Variants in ZNF608 observed in about 807,000 individuals in gnomAD.
ZNF608 encodes the protein zinc finger protein 608, also known as renal carcinoma antigen NY-REN-36.
ZNF608 carries 12 observed loss-of-function variants against 109.0 expected under a neutral mutation model. That is an observed-to-expected ratio of 0.11 (90% CI 0.07 to 0.18). The LOEUF is 0.18. Ranked by LOEUF, ZNF608 falls within the 10% of genes least tolerant of loss-of-function variation. The pLI is 1.00. For missense variants in ZNF608, 1,707 were observed against 1,879.3 expected (o/e 0.91, Z 1.70); for synonymous variants, 732 against 717.4 (o/e 1.02, Z -0.33).
chr5:124,643,031 G>T (rs1242185998), intron 7 of ZNF608, among the ~76,000 whole-genome samples: 6 of 152,106 alleles, frequency 3.9e-5, no homozygotes, highest in African/African-American at 1.4e-4. Context: ...GAGGTGATCT[G>T]AACTTGCATG....
intron 2 of ZNF608, among the ~76,000 whole-genome samples, chr5:124,740,183 C>T (rs536913855): frequency 8.5e-5 from 13 of 152,226 alleles, no homozygotes; most frequent in African/African-American, 2.9e-4. Flanking sequence ...TTTCACACAC[C>T]AAAGTCAGAA....
At chr5:124,746,809 A>G (rs1749656288), upstream of ZNF608, 2 of 971,172 alleles carry the variant, frequency 2.1e-6, no homozygotes, top group South Asian at 4.8e-5. Flanking sequence ...GGAGGGGGGG[A>G]GTAGAGGGAG....
At chr5:124,705,599 A>G (rs1364229188) in intron 2 of ZNF608, among the ~76,000 whole-genome samples, 1 of 152,206 alleles carries the variant, frequency 6.6e-6, no homozygotes, top group Non-Finnish European at 1.5e-5. Flanking sequence ...TATATTTAAC[A>G]TAAATCTATA....
At position 124,648,246 on chromosome 5, in the gene ZNF608, T is replaced by C; in HGVS notation, c.2138A>G (p.Asp713Gly). ...GGTAGCTTTTTTGCCCTTTTCTTTA[T>C]CTCCTAAATTTTTCTTGTCAATTAA... ...EGLIDKKNLG[D>G]KEKGKKATNC... The change falls in exon 5 of 10, where the codon GAT becomes GGT. Residue 713 changes from aspartate to glycine, a missense_variant. By Grantham distance (94) the Asp-to-Gly change is moderately conservative (BLOSUM62 -1). Around this residue, in one of 7 missense-constraint regions of ZNF608, gnomAD observed 1,073 missense variants for 1,133.5 expected, o/e 0.95. Transcript: ENST00000513986. 1 of 1,614,210 alleles carries C rather than the reference T, an allele frequency of 6.2e-7. No individual in the cohort carries two copies. The highest frequency in any genetic ancestry group is 8.5e-7 in the Non-Finnish European group (1 of 1,180,052).
At chr5:124,709,856 T>C (rs1753419448) in intron 2 of ZNF608, among the ~76,000 whole-genome samples, 1 of 152,196 alleles carries the variant, frequency 6.6e-6, no homozygotes, top group Non-Finnish European at 1.5e-5. Context: ...AAAGCCTGTG[T>C]TCTTGGATTA....
At chr5:124,655,115 C>G (rs932672024) in intron 3 of ZNF608, among the ~76,000 whole-genome samples, 28 of 152,226 alleles carry the variant, frequency 1.8e-4, no homozygotes, top group Admixed American at 1.8e-3. Context: ...GAATCCTACT[C>G]AGTGACTTCC....
At chr5:124,652,467 T>C (rs1750831478) in intron 3 of ZNF608, among the ~76,000 whole-genome samples, 1 of 152,204 alleles carries the variant, frequency 6.6e-6, no homozygotes, top group East Asian at 1.9e-4. Flanking sequence ...TGTGTCTATC[T>C]TTCTTTATAT....
chr5:124,672,118 C>T (rs1377990835), intron 3 of ZNF608, among the ~76,000 whole-genome samples: 1 of 152,202 alleles, frequency 6.6e-6, no homozygotes, highest in East Asian at 1.9e-4. Flanking sequence ...TATTAATAGG[C>T]ACCTAGTTAA....
chr5:124,719,892 T>C (rs1753839322), intron 2 of ZNF608, among the ~76,000 whole-genome samples: 1 of 152,200 alleles, frequency 6.6e-6, no homozygotes, highest in African/African-American at 2.4e-5. Flanking sequence ...TTACAATGCA[T>C]ACTCAATAAA....
At chr5:124,747,931 C>A (rs1443504743), upstream of ZNF608, among the ~76,000 whole-genome samples, 1 of 152,142 alleles carries the variant, frequency 6.6e-6, no homozygotes, top group East Asian at 1.9e-4. Flanking sequence ...TGCTCCCCAG[C>A]CTGGTCCTGT....
At chr5:124,641,799 G>T (rs1164534109) in intron 7 of ZNF608, among the ~76,000 whole-genome samples, 1 of 152,214 alleles carries the variant, frequency 6.6e-6, no homozygotes, top group East Asian at 1.9e-4. Flanking sequence ...ATTTTGTGGA[G>T]AGAACATATC....
At chr5:124,725,064 A>C (rs76347181) in intron 2 of ZNF608, among the ~76,000 whole-genome samples, 4,927 of 151,976 alleles carry the variant, frequency 0.032, 208 homozygotes, top group African/African-American at 0.1. Flanking sequence ...GTGTCTCCTC[A>C]AACACACCAA....
At chr5:124,716,157 A>AG (rs1561579964) in intron 2 of ZNF608, among the ~76,000 whole-genome samples, 1 of 151,086 alleles carries the variant, frequency 6.6e-6, no homozygotes, top group African/African-American at 2.4e-5. Context: ...AAAAAAAAAA[A>AG]AAAAAAGAAA....
At chr5:124,643,325 C>G (rs895793108) in intron 7 of ZNF608, among the ~76,000 whole-genome samples, 186 bp downstream of exon 7, 5 of 152,124 alleles carry the variant, frequency 3.3e-5, no homozygotes, top group African/African-American at 1.2e-4. Context: ...CGTGCTTTAA[C>G]AATTTTCTCT....
intron 3 of ZNF608, among the ~76,000 whole-genome samples, chr5:124,672,701 C>T (rs1751778698): frequency 6.6e-6 from 1 of 152,168 alleles, no homozygotes; most frequent in African/African-American, 2.4e-5. Flanking sequence ...ATTAAATTTA[C>T]CAAGCCCAGA....
At chr5:124,696,210 A>G (rs1752844630) in intron 3 of ZNF608, among the ~76,000 whole-genome samples, 1 of 151,994 alleles carries the variant, frequency 6.6e-6, no homozygotes, top group Non-Finnish European at 1.5e-5. Flanking sequence ...GGAAAAAAAG[A>G]GAGAGAGAGA....
chr5:124,646,249 T>G (rs956256430), intron 5 of ZNF608, among the ~76,000 whole-genome samples: 1 of 152,078 alleles, frequency 6.6e-6, no homozygotes, highest in Admixed American at 6.5e-5. Flanking sequence ...TAGTCCCAGC[T>G]ACTCAGGAGG....
chr5:124,647,482 T>C lies in ZNF608; in HGVS notation c.2902A>G (p.Ile968Val), dbSNP rs775149146. ...MRSKASSPSD[I>V]ISSKDSVVKG... Reference sequence around the variant, plus strand: ...ACAACACTGTCCTTACTAGAAATAATATCTGATGGGGAACTGGCCTTTGAT... The same window carrying C: ...ACAACACTGTCCTTACTAGAAATAACATCTGATGGGGAACTGGCCTTTGAT... Residue 968 changes from isoleucine to valine, a missense_variant, in exon 5 of 10, where the codon ATT (isoleucine) becomes GTT (valine). By Grantham distance (29) the Ile-to-Val change is conservative. Transcript: ENST00000513986. 90 of 1,614,070 alleles carry C rather than the reference T, an allele frequency of 5.6e-5. No individual in the cohort carries two copies. The highest frequency in any genetic ancestry group is 7.1e-5 in the Non-Finnish European group (84 of 1,180,042).
intron 3 of ZNF608, among the ~76,000 whole-genome samples, chr5:124,693,279 T>A (rs567772887): frequency 6.6e-6 from 1 of 152,370 alleles, no homozygotes; most frequent in East Asian, 1.9e-4. Flanking sequence ...ATCTCCATTT[T>A]GTAATTAGAA....
Sources: gnomAD v4.1 joint callset for allele counts (sites outside exome capture counted in the v4.1 genomes callset) on GRCh38, gnomAD v4.1.1 for gene constraint, gnomAD v4.1.1 regional missense constraint, MANE v1.5 for transcripts, NCBI Gene and HGNC (gene_info 2026-07-23, HGNC 2026-07-21) for gene names.